The following ADCY5 variants were observed in gnomAD, a reference collection of about 807,000 sequenced individuals.
The protein encoded by ADCY5 is adenylate cyclase 5.
Under a neutral mutation model 119.7 loss-of-function variants are expected in ADCY5, and 30 were observed. The observed-to-expected ratio is 0.25, with a 90% CI of 0.19 to 0.34. ADCY5 has a LOEUF of 0.34. Ranked by LOEUF, ADCY5 falls within the 10% of genes least tolerant of loss-of-function variation. The pLI is 1.00. For synonymous variants in ADCY5, 753 were observed against 762.2 expected (o/e 0.99, Z 0.20); for missense variants, 1,324 against 1,775.2 (o/e 0.75, Z 4.57).
At position 123,426,092 on chromosome 3, in the gene ADCY5, A is replaced by G. The variant is rs541749962; in HGVS notation, c.1134+21320T>C. ...CTAAGTGCTCTGCTTATATCATCAC[A>G]GGTAATGCTCTACACAACCCTCTGG... On this transcript the variant is annotated intron_variant, in intron 1 of 20. Coordinates refer to ENST00000462833, the MANE Select transcript of ADCY5 (RefSeq NM_183357.3). Among the ~76,000 whole-genome samples, 3 of 152,012 alleles carry G rather than the reference A, an allele frequency of 2.0e-5. No individual in the cohort carries two copies. The East Asian group carries it at 5.9e-4, about 30-fold the overall frequency.
At chr3:123,373,450 C>T (rs1451310692) in intron 1 of ADCY5, among the ~76,000 whole-genome samples, 1 of 152,158 alleles carries the variant, frequency 6.6e-6, no homozygotes, top group Non-Finnish European at 1.5e-5. Flanking sequence ...AGCTGGGCTG[C>T]CCCAAGAGCC....
chr3:123,425,490 G>A (rs1945387798), intron 1 of ADCY5, among the ~76,000 whole-genome samples: 1 of 152,206 alleles, frequency 6.6e-6, no homozygotes, highest in South Asian at 2.1e-4. Context: ...ATGTGTGCAT[G>A]TCTTGATGAA....
intron 1 of ADCY5, among the ~76,000 whole-genome samples, chr3:123,434,808 C>T (rs922503936): frequency 6.6e-6 from 1 of 152,256 alleles, no homozygotes; most frequent in South Asian, 2.1e-4. Flanking sequence ...TTCCCTTCCT[C>T]GCTCCATTAC....
chr3:123,366,671 AT>A (rs1259212441), intron 1 of ADCY5, among the ~76,000 whole-genome samples: 1 of 152,198 alleles, frequency 6.6e-6, no homozygotes, highest in Non-Finnish European at 1.5e-5. Flanking sequence ...ATTTAAAACC[AT>A]GGGGAGGAGG....
At chr3:123,396,983 C>G (rs1944617128) in intron 1 of ADCY5, among the ~76,000 whole-genome samples, 1 of 152,136 alleles carries the variant, frequency 6.6e-6, no homozygotes, top group South Asian at 2.1e-4. Context: ...AATGTGAGCT[C>G]CCGGAACTGG....
chr3:123,328,523 G>T, intron 6 of ADCY5, 121 bp downstream of exon 6: 3 of 1,221,874 alleles, frequency 2.5e-6, no homozygotes, highest in Non-Finnish European at 2.3e-6. Flanking sequence ...CCCCACAGGT[G>T]CTTGCTGCCC....
intron 1 of ADCY5, among the ~76,000 whole-genome samples, chr3:123,381,688 C>T (rs1018486619): frequency 3.9e-5 from 6 of 152,190 alleles, no homozygotes; most frequent in East Asian, 1.9e-4. Flanking sequence ...ATCATGTTGC[C>T]GGTTTAGCAT....
chr3:123,404,277 A>C (rs567499761), intron 1 of ADCY5: 1 of 152,364 alleles, frequency 6.6e-6, no homozygotes, highest in Admixed American at 6.5e-5. Context: ...TGCTGAGAAC[A>C]TAAGACTCAA....
Position 123,304,180 on chromosome 3 carries a change from A to T in ADCY5, c.2446T>A (p.Phe816Ile). The change falls in exon 13 of 21, where the codon TTC (phenylalanine) becomes ATC (isoleucine). Residue 816 changes from phenylalanine to isoleucine, a missense_variant. Physicochemically the swap from Phe to Ile is conservative, Grantham distance 21. Transcript: ENST00000462833. The part of the protein sequence containing the change: ...VSVIYSCVKL[F>I]PSPLQTLSRK... ...GAGAGGGTCTGCAGTGGGGAGGGGAAGAGCTAGGGTGGGGGCAGGGGTGGA... is the reference window on the plus strand; with the variant it reads ...GAGAGGGTCTGCAGTGGGGAGGGGATGAGCTAGGGTGGGGGCAGGGGTGGA... 1 of 948,808 alleles carries T rather than the reference A, an allele frequency of 1.1e-6. No homozygotes were observed. The highest frequency in any genetic ancestry group is 1.7e-5 in the African/African-American group (1 of 57,970). The allele number at this position is 948,808 out of a possible 1,614,324, so 58.8% of individuals were successfully genotyped here.
At chr3:123,400,093 T>C (rs1245457077) in intron 1 of ADCY5, among the ~76,000 whole-genome samples, 2 of 152,202 alleles carry the variant, frequency 1.3e-5, no homozygotes, top group African/African-American at 4.8e-5. Context: ...TAGGAGGGAC[T>C]GGGACACTGC....
At chr3:123,357,778 G>T (rs924975223) in intron 1 of ADCY5, among the ~76,000 whole-genome samples, 2 of 152,190 alleles carry the variant, frequency 1.3e-5, no homozygotes, top group Non-Finnish European at 2.9e-5. Flanking sequence ...GGGTGCTAAG[G>T]TCCCTGTGCA....
intron 1 of ADCY5, among the ~76,000 whole-genome samples, chr3:123,381,417 G>A (rs1281940690): frequency 1.3e-5 from 2 of 152,184 alleles, no homozygotes; most frequent in Non-Finnish European, 2.9e-5. Flanking sequence ...CCCCAAAGAC[G>A]TGGCTGGGAA....
chr3:123,293,031 T>C (rs962812008), intron 17 of ADCY5, among the ~76,000 whole-genome samples: 2 of 152,182 alleles, frequency 1.3e-5, no homozygotes, highest in African/African-American at 2.4e-5. Context: ...CAGCCACCTC[T>C]GCAAACTCCA....
chr3:123,338,868 C>T (rs577183356), intron 3 of ADCY5, among the ~76,000 whole-genome samples: 5 of 152,296 alleles, frequency 3.3e-5, no homozygotes, highest in Non-Finnish European at 2.9e-5. Context: ...AGGCCCATGA[C>T]TTTATGAAGC....
intron 1 of ADCY5, among the ~76,000 whole-genome samples, chr3:123,413,149 G>A (rs1945098950): frequency 6.6e-6 from 1 of 152,216 alleles, no homozygotes; most frequent in Non-Finnish European, 1.5e-5. Context: ...CCAGTTCGTG[G>A]GAGAGGAATC....
At chr3:123,326,558 C>A (rs1941495191) in intron 7 of ADCY5, among the ~76,000 whole-genome samples, 1 of 152,212 alleles carries the variant, frequency 6.6e-6, no homozygotes, top group Non-Finnish European at 1.5e-5. Flanking sequence ...GTGACCCAGG[C>A]ACTGAGAGAT....
At chr3:123,319,540 G>C (rs150461067) in intron 10 of ADCY5, 134 bp downstream of exon 10, 842 of 1,090,016 alleles carry the variant, frequency 7.7e-4, no homozygotes, top group Non-Finnish European at 9.9e-4. Flanking sequence ...AGGTAGTGCA[G>C]CATCAGAGCT....
At chr3:123,400,684 C>T (rs908684235) in intron 1 of ADCY5, among the ~76,000 whole-genome samples, 12 of 152,162 alleles carry the variant, frequency 7.9e-5, no homozygotes, top group Non-Finnish European at 1.5e-4. Flanking sequence ...CGGTGGCTCA[C>T]GCCTGTAATC....
At chr3:123,406,255 T>A (rs1944897977) in intron 1 of ADCY5, among the ~76,000 whole-genome samples, 2 of 152,246 alleles carry the variant, frequency 1.3e-5, no homozygotes, top group South Asian at 4.1e-4. Context: ...CCCGCCTCTC[T>A]GTTCCTTCCC....
Sources: gnomAD v4.1 joint callset for allele counts (sites outside exome capture counted in the v4.1 genomes callset) on GRCh38, gnomAD v4.1.1 for gene constraint, MANE v1.5 for transcripts, NCBI Gene and HGNC (gene_info 2026-07-23, HGNC 2026-07-21) for gene names.